Variants in AKAP19 observed in about 807,000 individuals in gnomAD.
AKAP19 encodes the protein A-kinase anchoring protein 19.
chr2:190,194,477 T>TACACAC, the AKAP19 span, among the ~76,000 whole-genome samples: 2,018 of 141,444 alleles, frequency 0.014, 21 homozygotes, highest in Middle Eastern at 0.04. Flanking sequence ...ATCCTGTGTA[T>TACACAC]ACACACACAC....
At chr2:189,900,555 G>A in the AKAP19 span, among the ~76,000 whole-genome samples, 1 of 152,096 alleles carries the variant, frequency 6.6e-6, no homozygotes, top group African/African-American at 2.4e-5. Flanking sequence ...ATTTTAGTAT[G>A]TTAATTAGTA....
At chr2:190,123,066 C>A in the AKAP19 span, among the ~76,000 whole-genome samples, 3 of 152,168 alleles carry the variant, frequency 2.0e-5, no homozygotes, top group East Asian at 5.8e-4. Context: ...CCTGCCCCAG[C>A]CTCCCAAAGC....
the AKAP19 span, among the ~76,000 whole-genome samples, chr2:190,031,756 C>T: frequency 2.6e-5 from 4 of 152,248 alleles, no homozygotes; most frequent in Admixed American, 6.5e-5. Context: ...CATATGATAA[C>T]ATGCTTAAAA....
chr2:190,105,462 T>C, the AKAP19 span, among the ~76,000 whole-genome samples: 1 of 152,200 alleles, frequency 6.6e-6, no homozygotes, highest in Non-Finnish European at 1.5e-5. Context: ...TCTTATTTTA[T>C]TCTAATTTAC....
At chr2:189,913,777 G>T in the AKAP19 span, among the ~76,000 whole-genome samples, 1 of 152,090 alleles carries the variant, frequency 6.6e-6, no homozygotes, top group Non-Finnish European at 1.5e-5. Flanking sequence ...CTGTTCAAAT[G>T]TGTGACCATT....
chr2:190,159,721 A>G, the AKAP19 span, among the ~76,000 whole-genome samples: 4 of 152,226 alleles, frequency 2.6e-5, no homozygotes, highest in Non-Finnish European at 4.4e-5. Flanking sequence ...GATCACTTTA[A>G]GAAAAAAGGC....
At chr2:189,895,088 G>T in the AKAP19 span, among the ~76,000 whole-genome samples, 2 of 151,842 alleles carry the variant, frequency 1.3e-5, no homozygotes, top group Non-Finnish European at 2.9e-5. Context: ...ACATGCAATT[G>T]GTTACAATTA....
chr2:190,114,328 TTC>T, the AKAP19 span, among the ~76,000 whole-genome samples: 168 of 152,384 alleles, frequency 1.1e-3, 1 homozygote, highest in African/African-American at 3.7e-3. Context: ...CTGGATTCAT[TTC>T]TCTTTTTCCT....
chr2:190,027,683 A>G, the AKAP19 span, among the ~76,000 whole-genome samples: 1 of 152,200 alleles, frequency 6.6e-6, no homozygotes, highest in African/African-American at 2.4e-5. Flanking sequence ...CCTGGAATGT[A>G]TATCTAGATT....
the AKAP19 span, among the ~76,000 whole-genome samples, chr2:189,889,130 A>G: frequency 2.0e-5 from 3 of 149,784 alleles, no homozygotes; most frequent in African/African-American, 7.3e-5. Context: ...GTTTATTGAG[A>G]GTTTTTAGTA....
chr2:190,074,743 C>T, the AKAP19 span, among the ~76,000 whole-genome samples: 2 of 151,908 alleles, frequency 1.3e-5, no homozygotes, highest in Admixed American at 1.3e-4. Flanking sequence ...TAACTTAGGC[C>T]GTTAAGTAGA....
At chr2:190,054,556 G>C in the AKAP19 span, among the ~76,000 whole-genome samples, 1 of 152,156 alleles carries the variant, frequency 6.6e-6, no homozygotes, top group African/African-American at 2.4e-5. Flanking sequence ...GCAACCTACA[G>C]AATGGGAGAA....
chr2:190,057,229 T>C, the AKAP19 span: 4 of 1,612,154 alleles, frequency 2.5e-6, no homozygotes, highest in Non-Finnish European at 3.4e-6. Flanking sequence ...TTCCATGTTT[T>C]AGGAAGTTAT....
chr2:189,988,528 T>C, the AKAP19 span, among the ~76,000 whole-genome samples: 3 of 152,250 alleles, frequency 2.0e-5, no homozygotes, highest in Non-Finnish European at 4.4e-5. Context: ...GGACAGTATA[T>C]TGTTTCCTCA....
At chr2:190,157,066 G>T in the AKAP19 span, among the ~76,000 whole-genome samples, 1 of 152,026 alleles carries the variant, frequency 6.6e-6, no homozygotes, top group African/African-American at 2.4e-5. Context: ...ACCATTAAAA[G>T]AAATCAATTC....
chr2:190,015,938 G>T, the AKAP19 span, among the ~76,000 whole-genome samples: 1 of 152,164 alleles, frequency 6.6e-6, no homozygotes, highest in Non-Finnish European at 1.5e-5. Flanking sequence ...CTTTGCTCCA[G>T]TTCCCAAGAA....
At chr2:190,004,437 C>A in the AKAP19 span, among the ~76,000 whole-genome samples, 1 of 151,686 alleles carries the variant, frequency 6.6e-6, no homozygotes, top group Non-Finnish European at 1.5e-5. Flanking sequence ...ACCCGTAGGG[C>A]CTTTTACAAT....
At chr2:190,122,225 G>A in the AKAP19 span, among the ~76,000 whole-genome samples, 1 of 152,194 alleles carries the variant, frequency 6.6e-6, no homozygotes, top group Non-Finnish European at 1.5e-5. Context: ...GATAAAAGGG[G>A]CATTTGAATT....
the AKAP19 span, among the ~76,000 whole-genome samples, chr2:190,079,790 G>A: frequency 7.2e-5 from 11 of 151,922 alleles, 1 homozygote; most frequent in Middle Eastern, 6.8e-3. Flanking sequence ...CAGCCTGGGA[G>A]ACAGAGCAAG....
Sources: gnomAD v4.1 joint callset for allele counts (sites outside exome capture counted in the v4.1 genomes callset) on GRCh38, gnomAD v4.1.1 for gene constraint, MANE v1.5 for transcripts, NCBI Gene and HGNC (gene_info 2026-07-23, HGNC 2026-07-21) for gene names.